The following C9orf43 variants were observed in gnomAD, a reference collection of about 807,000 sequenced individuals.
The protein encoded by C9orf43 is chromosome 9 open reading frame 43, also known as uncharacterized protein C9orf43.
C9orf43 carries 45 observed loss-of-function variants against 59.1 expected under a neutral mutation model. The ratio of observed to expected loss-of-function variants is 0.76; its 90% confidence interval spans 0.60 to 0.98. C9orf43 has a LOEUF of 0.98. Among genes scored for constraint, C9orf43 ranks in the 50% least tolerant of loss-of-function variants. C9orf43 has a pLI of 0.00. For synonymous variants in C9orf43, 203 were observed against 196.8 expected, an observed-to-expected ratio of 1.03 and a Z score of -0.26; for missense variants, 533 against 554.9, an observed-to-expected ratio of 0.96 and a Z score of 0.40.
At chr9:113,423,238 G>A (rs1828652930) in intron 6 of C9orf43, 88 bp from the exon 7 acceptor site, 1 of 1,309,750 alleles carries the variant, frequency 7.6e-7, no homozygotes, top group African/African-American at 1.5e-5. Context: ...GTACATGCCA[G>A]GGTAGTGTTG....
At chr9:113,413,963 C>CATTA (rs1468027342) in intron 3 of C9orf43, 69 bp downstream of exon 3, 2 of 1,481,584 alleles carry the variant, frequency 1.3e-6, no homozygotes, top group Non-Finnish European at 1.8e-6. Flanking sequence ...TTTCCTTATC[C>CATTA]ATTAGTATAC....
At position 113,429,453 on chromosome 9, in the gene C9orf43, G is replaced by A. The variant is rs1377841847; in HGVS notation, c.*67G>A. ...GCCGTGTTCCAAAGCGGGATGGCTG[G>A]TATCCTGAGGGCAGCAACGTTTCAC... On this transcript the variant is annotated 3_prime_UTR_variant, in exon 14 of 14. Coordinates refer to ENST00000374165, the MANE Select transcript of C9orf43 (RefSeq NM_001278629.2). The A allele has an allele frequency of 2.2e-6, 3 of 1,385,054 alleles. No homozygotes were observed. The African/African-American group carries it at 4.3e-5, about 20-fold the overall frequency. 85.8% of individuals were successfully genotyped at this position (1,385,054 alleles called of 1,614,324 possible). A position where few individuals can be genotyped will look rare whatever the true frequency, so the allele number is the denominator to read the frequency against.
chr9:113,411,034 G>A lies in C9orf43; in HGVS notation c.-50+33G>A, dbSNP rs138706344. ...GACTGAGTGTTATTTAGATTTTATT[G>A]TTGTTGTTTGTGTTTAACGCGAACT... is the stretch of plus-strand genomic sequence containing the variant. On this transcript the variant is annotated intron_variant, in intron 1 of 13. Coordinates refer to ENST00000374165, the MANE Select transcript of C9orf43 (RefSeq NM_001278629.2). The A allele has an allele frequency of 6.1e-6, 6 of 985,234 alleles. No individual in the cohort carries two copies. The East Asian group carries it at 6.8e-4, about 112-fold the overall frequency. 61.0% of individuals were successfully genotyped at this position (985,234 alleles called of 1,614,324 possible).
intron 1 of C9orf43, 96 bp downstream of exon 1, chr9:113,411,097 A>T (rs146832101): frequency 1.0e-6 from 1 of 985,296 alleles, no homozygotes; most frequent in Non-Finnish European, 1.2e-6. Context: ...CCATATAGAG[A>T]TGCGCCTGAT....
chr9:113,429,386 A>G lies in C9orf43; in HGVS notation c.1386A>G (p.Ter462TrpextTer8), dbSNP rs1379200716. 4.3e-6 allele frequency: 7 copies of G among 1,613,476 alleles called. No individual in the cohort carries two copies. The highest frequency in any genetic ancestry group is 5.1e-6 in the Non-Finnish European group (6 of 1,179,768). ...AGGACCAGTCCTCTGGGGCAGAGTG[A>G]GAAGCCTCTGGAGGAATAGACTGAA... The part of the protein sequence containing the change: ...DEEDQSSGAE[*>W] The change falls in exon 14 of 14, where the codon TGA (stop) becomes TGG (tryptophan). Residue 462 changes from the stop codon to tryptophan (W), a stop_lost. Coordinates refer to ENST00000374165, the MANE Select transcript of C9orf43 (RefSeq NM_001278629.2).
chr9:113,416,554 T>C (rs1828365757), intron 3 of C9orf43, among the ~76,000 whole-genome samples: 1 of 152,110 alleles, frequency 6.6e-6, no homozygotes, highest in Admixed American at 6.6e-5. Context: ...ATCTCGCATT[T>C]CTCCCTTCCT....
intron 11 of C9orf43, 125 bp downstream of exon 11, chr9:113,425,855 T>C (rs563586549): frequency 1.1e-4 from 85 of 756,802 alleles, no homozygotes; most frequent in Non-Finnish European, 1.9e-4. Flanking sequence ...TCAGAGTTTC[T>C]TGGAATGCTT....
At chr9:113,424,108 G>A (rs1410777655) in intron 7 of C9orf43, 58 bp from the exon 8 acceptor site, 15 of 1,529,484 alleles carry the variant, frequency 9.8e-6, no homozygotes, top group Non-Finnish European at 1.3e-5. Context: ...TTTCTCCTCA[G>A]CCATGCTTTC....
At position 113,428,143 on chromosome 9, in the gene C9orf43, C is replaced by T; in HGVS notation, c.1031-4C>T. On this transcript the variant is annotated splice_polypyrimidine_tract_variant and splice_region_variant and intron_variant, in intron 11 of 13. Coordinates refer to ENST00000374165, the MANE Select transcript of C9orf43 (RefSeq NM_001278629.2). Reference sequence around the variant, plus strand: ...GAAGATTGAATGGACTCTTTGGTTACTAGGTTACAGAACTCTGCCAGGTCA... The same window carrying T: ...GAAGATTGAATGGACTCTTTGGTTATTAGGTTACAGAACTCTGCCAGGTCA... 18 of 1,614,090 alleles carry T rather than the reference C, an allele frequency of 1.1e-5. No individual in the cohort carries two copies. Among genetic ancestry groups the T allele is most frequent in the Admixed American group, 1.7e-5 (1 of 60,024 alleles).
intron 10 of C9orf43, 29 bp downstream of exon 10, chr9:113,425,449 A>G (rs767168125): frequency 6.2e-7 from 1 of 1,600,796 alleles, no homozygotes; most frequent in East Asian, 2.3e-5. Flanking sequence ...GCTTGCTGGG[A>G]CTGGGAGAGG....
In C9orf43 at chr9:113,429,153, T is replaced by G. The variant is rs1828895951; in HGVS notation, c.1172-19T>G. 2 of 1,610,788 alleles carry G rather than the reference T, an allele frequency of 1.2e-6. No individual in the cohort carries two copies. The highest frequency in any genetic ancestry group is 2.2e-5 in the South Asian group (2 of 90,990). ...GAGAGGAGTTTACAGGTGCAATTAATGACTGCATCTTCTTTTAGGTCCTGA... is the reference window on the plus strand; with the variant it reads ...GAGAGGAGTTTACAGGTGCAATTAAGGACTGCATCTTCTTTTAGGTCCTGA... On this transcript the variant is annotated intron_variant, in intron 13 of 13. Coordinates refer to ENST00000374165, the MANE Select transcript of C9orf43 (RefSeq NM_001278629.2).
intron 3 of C9orf43, among the ~76,000 whole-genome samples, chr9:113,417,749 T>A (rs1442066937): frequency 6.6e-6 from 1 of 152,094 alleles, no homozygotes; most frequent in East Asian, 1.9e-4. Flanking sequence ...AAGAGGAAAT[T>A]GTGTCTGTAT....
At chr9:113,411,879 T>C (rs906355948) in intron 1 of C9orf43, among the ~76,000 whole-genome samples, 4 of 152,116 alleles carry the variant, frequency 2.6e-5, no homozygotes, top group Admixed American at 6.5e-5. Context: ...GGTTTCACCA[T>C]GTTGCCCAGG....
chr9:113,428,663 A>C (rs1003400693), intron 12 of C9orf43, among the ~76,000 whole-genome samples: 1 of 152,192 alleles, frequency 6.6e-6, no homozygotes, highest in African/African-American at 2.4e-5. Flanking sequence ...GTTGGAAGCC[A>C]TCTTTGGAGG....
In C9orf43 at chr9:113,421,106, C is replaced by G. The variant is rs768185422; in HGVS notation, c.349C>G (p.Pro117Ala). Residue 117 changes from proline to alanine, a missense_variant, in exon 5 of 14, where the codon CCA becomes GCA. By Grantham distance (27) the Pro-to-Ala change is conservative (BLOSUM62 -1). Coordinates refer to ENST00000374165, the MANE Select transcript of C9orf43 (RefSeq NM_001278629.2). The part of the protein sequence containing the change: ...INCTNRLPKF[P>A]VLNLNETQLP... ...AGGCTTTATATCTTTCTCTTAGTTTCCAGTGTTGAATTTGAATGAGACGCA... is the reference window on the plus strand; with the variant it reads ...AGGCTTTATATCTTTCTCTTAGTTTGCAGTGTTGAATTTGAATGAGACGCA... 3.7e-6 allele frequency: 6 copies of G among 1,612,280 alleles called. No homozygotes were observed. The Admixed American group carries it at 1.0e-4, about 27-fold the overall frequency.
Position 113,423,479 on chromosome 9 carries a change from C to A in C9orf43, c.637C>A (p.Pro213Thr). The change falls in exon 7 of 14, where the codon CCT becomes ACT. Residue 213 changes from proline (P) to threonine (T), a missense_variant. By Grantham distance (38) the Pro-to-Thr change is conservative. Transcript: ENST00000374165. ...LPLWAQSEAL[P>T]QDLLKELLPG... ...TCTCTGGGCTCAATCCGAAGCGTTA[C>A]CTCAGGATCTACTGAAGGAGTAAGT... 6.2e-7 allele frequency: 1 copy of A among 1,613,626 alleles called. No individual in the cohort carries two copies. The highest frequency in any genetic ancestry group is 8.5e-7 in the Non-Finnish European group (1 of 1,179,596).
At chr9:113,426,090 A>G (rs1304841545) in intron 11 of C9orf43, among the ~76,000 whole-genome samples, 1 of 152,136 alleles carries the variant, frequency 6.6e-6, no homozygotes, top group Admixed American at 6.6e-5. Context: ...CCATTTTCCA[A>G]TGAGGCAGGG....
intron 6 of C9orf43, among the ~76,000 whole-genome samples, chr9:113,422,988 G>A (rs1828641336): frequency 6.6e-6 from 1 of 152,234 alleles, no homozygotes; most frequent in Admixed American, 6.5e-5. Context: ...CTATGTCCAT[G>A]AGAGTAGTGT....
At chr9:113,420,135 C>A (rs543734073) in intron 4 of C9orf43, among the ~76,000 whole-genome samples, 1 of 151,902 alleles carries the variant, frequency 6.6e-6, no homozygotes, top group Non-Finnish European at 1.5e-5. Flanking sequence ...TCTCTGTCAC[C>A]CAGGCTGGAG....
Sources: allele counts gnomAD v4.1 joint callset (sites outside exome capture counted in the v4.1 genomes callset), GRCh38; gene constraint gnomAD v4.1.1; transcripts MANE v1.5; gene names NCBI Gene and HGNC (gene_info 2026-07-23, HGNC 2026-07-21).